Variants in AHDC1 observed in about 807,000 individuals in gnomAD.
The protein encoded by AHDC1 is AT-hook DNA binding motif containing 1.
In AHDC1, 7 loss-of-function variants were observed where a neutral mutation model predicts 87.9. That is an observed-to-expected ratio of 0.08 (90% CI 0.05 to 0.15). The LOEUF is 0.15. AHDC1 is among the 10% of genes least tolerant of loss of function. The pLI is 1.00. For missense variants in AHDC1, 1,841 were observed against 2,253.2 expected (o/e 0.82, Z 3.70); for synonymous variants, 1,051 against 1,006.8 (o/e 1.04, Z -0.83).
At chr1:27,557,336 C>G (rs1300848793) in intron 5 of AHDC1, among the ~76,000 whole-genome samples, 1 of 151,258 alleles carries the variant, frequency 6.6e-6, no homozygotes, top group Admixed American at 6.6e-5. Context: ...CCGGAGGACT[C>G]CCCTCCTCCA....
Position 27,562,976 on chromosome 1 carries a change from A to C in AHDC1, c.-628-4093T>G, listed in dbSNP as rs558998045. Among the ~76,000 whole-genome samples, 1 of 152,218 alleles carries C rather than the reference A, an allele frequency of 6.6e-6. No homozygotes were observed. Among genetic ancestry groups the C allele is most frequent in the Admixed American group, 6.5e-5 (1 of 15,288 alleles). On this transcript the variant is annotated intron_variant, in intron 3 of 8. Transcript: ENST00000673934. The surrounding 1 kb of genome is among the most constrained non-coding windows in gnomAD (Gnocchi z 4.4). ...ACATAACCTGTCGCTTCCTCCAAAC[A>C]TGAGATGGGCACACCTGACACACCC...
intron 5 of AHDC1, among the ~76,000 whole-genome samples, chr1:27,554,947 G>C (rs1001321751): frequency 6.6e-6 from 1 of 152,190 alleles, no homozygotes; most frequent in East Asian, 1.9e-4. Context: ...GGGGAAACTG[G>C]CTCAGAGTGT....
intron 5 of AHDC1, among the ~76,000 whole-genome samples, chr1:27,554,167 C>A (rs555921235): frequency 6.6e-6 from 1 of 152,334 alleles, no homozygotes; most frequent in African/African-American, 2.4e-5. Flanking sequence ...GCTCTTTCTT[C>A]TTCTCCAGAC....
intron 8 of AHDC1, among the ~76,000 whole-genome samples, chr1:27,536,369 G>C (rs977477870): frequency 1.3e-5 from 2 of 152,254 alleles, no homozygotes; most frequent in East Asian, 3.9e-4. Context: ...AGGCATAGGA[G>C]AGGAGAAGAG....
chr1:27,549,000 C>A lies in AHDC1; in HGVS notation c.3116G>T (p.Ser1039Ile). 1 of 1,572,360 alleles carries A rather than the reference C, an allele frequency of 6.4e-7. No homozygotes were observed. Among genetic ancestry groups the A allele is most frequent in the Non-Finnish European group, 8.6e-7 (1 of 1,158,218 alleles). The change falls in exon 8 of 9, where the codon AGC becomes ATC. Residue 1039 changes from serine (S) to isoleucine (I), a missense_variant. This residue lies in a region of AHDC1 where 378 missense variants were observed against 399.0 expected (regional missense o/e 0.95). Coordinates refer to ENST00000673934, the MANE Select transcript of AHDC1 (RefSeq NM_001371928.1). The part of the protein sequence containing the change: ...CLPPSKASFF[S>I]SSEGAPFSGS... ...AGAGAAGGGGGCCCCCTCAGAGCTG[C>A]TGAAGAAGGAGGCCTTGCTTGGTGG...
At chr1:27,543,099 C>T (rs1248745604) in intron 8 of AHDC1, among the ~76,000 whole-genome samples, 1 of 152,228 alleles carries the variant, frequency 6.6e-6, no homozygotes, top group East Asian at 1.9e-4. Context: ...TGGATGGTGG[C>T]CTTGGAAACT....
rs753634865 is a variant in AHDC1 at position 27,550,743 on chromosome 1, G to T, written c.1373C>A (p.Thr458Asn). Residue 458 changes from threonine (T) to asparagine (N), a missense_variant, in exon 8 of 9, where the codon ACC (threonine) becomes AAC (asparagine). Transcript: ENST00000673934. ...GCCTTTGCGGGTAGAGACCACTGGG[G>T]TCTGGGAAGATTCCGGCTTCAACTC... ...VPELKPESSQ[T>N]PVVSTRKGKC... 1.3e-6 allele frequency: 2 copies of T among 1,585,406 alleles called. No individual in the cohort carries two copies. Among genetic ancestry groups the T allele is most frequent in the South Asian group, 1.1e-5 (1 of 87,890 alleles).
At chr1:27,578,314 G>A (rs1053246253) in intron 3 of AHDC1, among the ~76,000 whole-genome samples, 3 of 152,154 alleles carry the variant, frequency 2.0e-5, no homozygotes, top group Admixed American at 6.5e-5. Flanking sequence ...GTTGGGCCAG[G>A]CACAGTGGCT....
intron 3 of AHDC1, among the ~76,000 whole-genome samples, chr1:27,572,360 A>G (rs1372226596): frequency 6.6e-6 from 1 of 152,086 alleles, no homozygotes; most frequent in East Asian, 1.9e-4. Context: ...CCCTCTGTAC[A>G]AAGATAGAAG....
chr1:27,579,688 T>C (rs2088856531), intron 3 of AHDC1, among the ~76,000 whole-genome samples: 1 of 152,228 alleles, frequency 6.6e-6, no homozygotes, highest in Non-Finnish European at 1.5e-5. Flanking sequence ...CTGTTGTCTG[T>C]TTTTATAATT....
Position 27,548,452 on chromosome 1 carries a change from T to A in AHDC1, c.3664A>T (p.Ser1222Cys), listed in dbSNP as rs1228576055. The change falls in exon 8 of 9, where the codon AGT becomes TGT. Residue 1222 changes from serine to cysteine, a missense_variant. Ser to Cys is a moderately radical substitution (Grantham distance 112). This residue lies in a region of AHDC1 where 505 missense variants were observed against 626.2 expected (regional missense o/e 0.81). Transcript: ENST00000673934. ...SSAPGYNWNQ[S>C]VLFQSSSKPG... is the part of the protein sequence containing the mutation. Reference sequence around the variant, plus strand: ...TTGGAGCTACTCTGAAAGAGGACACTCTGGTTCCAGTTGTAGCCGGGGGCA... The same window carrying A: ...TTGGAGCTACTCTGAAAGAGGACACACTGGTTCCAGTTGTAGCCGGGGGCA... 16 of 1,613,724 alleles carry A rather than the reference T, an allele frequency of 9.9e-6. No individual in the cohort carries two copies. The highest frequency in any genetic ancestry group is 1.1e-5 in the Non-Finnish European group (13 of 1,180,014).
intron 8 of AHDC1, among the ~76,000 whole-genome samples, chr1:27,539,197 T>C (rs2018794694): frequency 6.7e-6 from 1 of 149,702 alleles, no homozygotes; most frequent in African/African-American, 2.5e-5. Flanking sequence ...TGCAGTGCAG[T>C]GTCATGATCG....
chr1:27,576,326 A>C (rs1186760304), intron 3 of AHDC1, among the ~76,000 whole-genome samples: 1 of 152,140 alleles, frequency 6.6e-6, no homozygotes, highest in Non-Finnish European at 1.5e-5. Flanking sequence ...TTTCCTTATT[A>C]AAACGAAGGG....
intron 3 of AHDC1, among the ~76,000 whole-genome samples, chr1:27,576,938 G>C (rs1015836882): frequency 6.6e-6 from 1 of 152,242 alleles, no homozygotes; most frequent in East Asian, 1.9e-4. Context: ...GTGCATCCCA[G>C]TGCTCACCGC....
chr1:27,567,970 G>A (rs1399598582), intron 3 of AHDC1: 1 of 152,254 alleles, frequency 6.6e-6, no homozygotes, highest in Non-Finnish European at 1.5e-5. Flanking sequence ...TCACACACCT[G>A]AACCAAAGGC....
chr1:27,550,814 A>G lies in AHDC1; in HGVS notation c.1302T>C (p.Pro434=). The G allele has an allele frequency of 6.4e-7, 1 of 1,564,468 alleles. No homozygotes were observed. The highest frequency in any genetic ancestry group is 8.6e-7 in the Non-Finnish European group (1 of 1,156,116). The change falls in exon 8 of 9, where the codon CCT becomes CCC. Residue 434 remains proline (P), a synonymous_variant. Coordinates refer to ENST00000673934, the MANE Select transcript of AHDC1 (RefSeq NM_001371928.1). ...AALAEPPPPP[P]PPPPALPGPG... Reference sequence around the variant, plus strand: ...GGCCTGGCAGGGCAGGGGGTGGAGGAGGCGGTGGTGGTGGGGGTTCGGCCA... The same window carrying G: ...GGCCTGGCAGGGCAGGGGGTGGAGGGGGCGGTGGTGGTGGGGGTTCGGCCA...
chr1:27,544,363 C>T (rs2019072621), intron 8 of AHDC1, among the ~76,000 whole-genome samples: 1 of 152,246 alleles, frequency 6.6e-6, no homozygotes, highest in Non-Finnish European at 1.5e-5. Context: ...CTGCCACTCT[C>T]TGCCAGGTGT....
chr1:27,604,179 G>A (rs1441068144), upstream of AHDC1: 1 of 152,994 alleles, frequency 6.5e-6, no homozygotes, highest in Non-Finnish European at 1.5e-5. Flanking sequence ...TCACCATCCG[G>A]AACCCCAGGG....
chr1:27,541,881 C>T (rs750600115), intron 8 of AHDC1, among the ~76,000 whole-genome samples: 25 of 152,210 alleles, frequency 1.6e-4, no homozygotes, highest in Middle Eastern at 3.2e-3. Flanking sequence ...CCTCTTCCCT[C>T]GGCCTCCCAA....
Sources: allele counts gnomAD v4.1 joint callset (sites outside exome capture counted in the v4.1 genomes callset), GRCh38; gene constraint gnomAD v4.1.1; regional missense constraint gnomAD v4.1.1; non-coding constraint Gnocchi (gnomAD v3.1); transcripts MANE v1.5; gene names NCBI Gene and HGNC (gene_info 2026-07-23, HGNC 2026-07-21).